WWOX: variants seen among roughly 807,000 people sequenced by gnomAD.
WWOX encodes the protein WW domain containing oxidoreductase.
WWOX carries 69 observed loss-of-function variants against 46.2 expected under a neutral mutation model. That is an observed-to-expected ratio of 1.49 (90% CI 1.23 to 1.82). The LOEUF is 1.82. Among genes scored for constraint, WWOX ranks in the 40% most tolerant of loss-of-function variants. WWOX has a pLI of 0.00. For missense variants in WWOX, 919 were observed against 542.6 expected (o/e 1.69, Z -6.89); for synonymous variants, 359 against 202.6 (o/e 1.77, Z -6.56).
chr16:78,231,178 A>G (rs1195617787), intron 5 of WWOX, among the ~76,000 whole-genome samples: 1 of 152,134 alleles, frequency 6.6e-6, no homozygotes, highest in Non-Finnish European at 1.5e-5. Flanking sequence ...GGTGGAGGAG[A>G]GGGATTTGCT....
chr16:78,770,366 TTAACTC>T (rs758090297), intron 8 of WWOX, among the ~76,000 whole-genome samples: 15 of 151,902 alleles, frequency 9.9e-5, no homozygotes, highest in Non-Finnish European at 1.8e-4. Context: ...AAAAAAAAAT[TTAACTC>T]TAAAGAATCC....
intron 8 of WWOX, among the ~76,000 whole-genome samples, chr16:78,597,251 C>A (rs1254331168): frequency 6.6e-6 from 1 of 152,204 alleles, no homozygotes; most frequent in Non-Finnish European, 1.5e-5. Context: ...ATTGCTTTTT[C>A]ATTCCTTCAT....
intron 8 of WWOX, among the ~76,000 whole-genome samples, chr16:78,819,969 G>C (rs1006803537): frequency 2.0e-5 from 3 of 152,060 alleles, no homozygotes; most frequent in African/African-American, 7.2e-5. Context: ...TATACTCTTA[G>C]TTTGATATCA....
intron 1 of WWOX, among the ~76,000 whole-genome samples, chr16:78,105,381 C>A (rs2032075418): frequency 6.6e-6 from 1 of 151,766 alleles, no homozygotes; most frequent in South Asian, 2.1e-4. Context: ...ATTGCTTGAA[C>A]CTGGGAGGCA....
intron 8 of WWOX, among the ~76,000 whole-genome samples, chr16:79,210,983 G>A (rs546673177): frequency 6.6e-6 from 1 of 152,022 alleles, no homozygotes; most frequent in Non-Finnish European, 1.5e-5. Context: ...CATGGGATCT[G>A]GATGAATTAA....
At chr16:78,723,658 G>A (rs192660632) in intron 8 of WWOX, among the ~76,000 whole-genome samples, 235 of 77,518 alleles carry the variant, frequency 3.0e-3, no homozygotes, top group African/African-American at 0.014. Context: ...TCTACCTCTC[G>A]GGATTCTGAG....
At chr16:79,125,261 T>C (rs998162905) in intron 8 of WWOX, among the ~76,000 whole-genome samples, 6 of 152,312 alleles carry the variant, frequency 3.9e-5, no homozygotes, top group Middle Eastern at 3.4e-3. Context: ...TCCAGAGTAC[T>C]GTTGATTGTA....
intron 8 of WWOX, among the ~76,000 whole-genome samples, chr16:78,648,517 C>T (rs1280700761): frequency 6.6e-6 from 1 of 152,172 alleles, no homozygotes. Flanking sequence ...AGAATGCCGA[C>T]CCACAAGCTC....
At chr16:78,706,942 C>A (rs1264489461) in intron 8 of WWOX, among the ~76,000 whole-genome samples, 2 of 152,292 alleles carry the variant, frequency 1.3e-5, no homozygotes, top group Admixed American at 1.3e-4. Flanking sequence ...GGATTACAGG[C>A]ATCAGCCGTC....
intron 8 of WWOX, among the ~76,000 whole-genome samples, chr16:78,466,100 C>G (rs988563934): frequency 6.6e-6 from 1 of 151,940 alleles, no homozygotes; most frequent in African/African-American, 2.4e-5. Context: ...GGCACCATCT[C>G]TGCTCACTGC....
intron 5 of WWOX, among the ~76,000 whole-genome samples, chr16:78,329,749 TC>T (rs988233341): frequency 6.6e-6 from 1 of 151,626 alleles, no homozygotes; most frequent in Non-Finnish European, 1.5e-5. Context: ...TCTTTTTCTT[TC>T]TTTTTTTTTT....
chr16:78,542,860 C>T (rs965491137), intron 8 of WWOX, among the ~76,000 whole-genome samples: 3 of 152,154 alleles, frequency 2.0e-5, no homozygotes, highest in African/African-American at 4.8e-5. Flanking sequence ...AAAACCCAAA[C>T]GACGGGCCTG....
chr16:78,479,324 A>T (rs1443651803), intron 8 of WWOX, among the ~76,000 whole-genome samples: 1 of 152,232 alleles, frequency 6.6e-6, no homozygotes, highest in Non-Finnish European at 1.5e-5. Context: ...AGAGAGAAAG[A>T]TTAAAACATA....
chr16:79,089,703 T>C (rs2048919451), intron 8 of WWOX, among the ~76,000 whole-genome samples: 1 of 152,176 alleles, frequency 6.6e-6, no homozygotes, highest in Admixed American at 6.5e-5. Flanking sequence ...TGTTTTCCAG[T>C]CGCCTAAGCG....
intron 8 of WWOX, among the ~76,000 whole-genome samples, chr16:78,739,978 C>A (rs933253307): frequency 6.6e-6 from 1 of 152,140 alleles, no homozygotes; most frequent in Non-Finnish European, 1.5e-5. Context: ...AATTATCTCA[C>A]CGGTGGAGAC....
chr16:78,864,766 T>TTC (rs2043966460), intron 8 of WWOX, among the ~76,000 whole-genome samples: 2 of 75,338 alleles, frequency 2.7e-5, no homozygotes, highest in Non-Finnish European at 5.5e-5. Flanking sequence ...TTTTTTTTTT[T>TTC]TTTTTTTTTT....
At chr16:78,295,038 G>T (rs1240157444) in intron 5 of WWOX, among the ~76,000 whole-genome samples, 2 of 152,172 alleles carry the variant, frequency 1.3e-5, no homozygotes, top group Non-Finnish European at 2.9e-5. Context: ...CCCAGGACAG[G>T]CTCACCCTGG....
At chr16:78,801,379 A>G (rs1400753618) in intron 8 of WWOX, among the ~76,000 whole-genome samples, 1 of 152,068 alleles carries the variant, frequency 6.6e-6, no homozygotes, top group Non-Finnish European at 1.5e-5. Flanking sequence ...GTGTGGTGGC[A>G]TGTGCTATAA....
intron 8 of WWOX, among the ~76,000 whole-genome samples, chr16:78,929,982 C>T (rs1019539134): frequency 6.6e-6 from 1 of 152,084 alleles, no homozygotes; most frequent in Non-Finnish European, 1.5e-5. Context: ...TCTCTGTGAC[C>T]GTGTGACCAT....
Sources: allele counts gnomAD v4.1 joint callset (sites outside exome capture counted in the v4.1 genomes callset), GRCh38; gene constraint gnomAD v4.1.1; transcripts MANE v1.5; gene names NCBI Gene and HGNC (gene_info 2026-07-23, HGNC 2026-07-21).